The following MPHOSPH9 variants were observed in gnomAD, a reference collection of about 807,000 sequenced individuals.
MPHOSPH9 encodes M-phase phosphoprotein 9.
A neutral mutation model predicts 145.5 loss-of-function variants in MPHOSPH9; 88 were observed. The observed-to-expected ratio is 0.60, with a 90% CI of 0.51 to 0.72. The LOEUF is 0.72. MPHOSPH9 is among the 30% of genes least tolerant of loss of function. The pLI, the probability that MPHOSPH9 is intolerant of heterozygous loss-of-function variation, is 0.00. For synonymous variants in MPHOSPH9, 435 were observed against 486.2 expected, an observed-to-expected ratio of 0.89 and a Z score of 1.39; for missense variants, 1,238 against 1,386.6, an observed-to-expected ratio of 0.89 and a Z score of 1.70.
intron 8 of MPHOSPH9, among the ~76,000 whole-genome samples, chr12:123,203,798 C>T (rs777989005): frequency 6.6e-6 from 1 of 152,070 alleles, no homozygotes; most frequent in African/African-American, 2.4e-5. Context: ...ATCTTCCTGC[C>T]TCAACCTCCC....
chr12:123,180,649 G>C (rs897861846), intron 14 of MPHOSPH9, among the ~76,000 whole-genome samples: 2 of 152,188 alleles, frequency 1.3e-5, no homozygotes, highest in East Asian at 1.9e-4. Flanking sequence ...GACACAGGTG[G>C]ACCACTTGAG....
At chr12:123,198,502 T>C (rs1360935151) in intron 11 of MPHOSPH9, among the ~76,000 whole-genome samples, 168 bp from the exon 12 acceptor site, 1 of 152,064 alleles carries the variant, frequency 6.6e-6, no homozygotes, top group Non-Finnish European at 1.5e-5. Context: ...TCTAATAATA[T>C]AGTATGTAGA....
At chr12:123,243,461 C>T (rs919027405) in intron 1 of MPHOSPH9, among the ~76,000 whole-genome samples, 5 of 150,486 alleles carry the variant, frequency 3.3e-5, no homozygotes, top group African/African-American at 7.4e-5. Context: ...ACCCGGGAGG[C>T]GGAGCTTGCA....
chr12:123,221,432 A>T lies in MPHOSPH9; in HGVS notation c.812T>A (p.Phe271Tyr). 2 of 1,611,680 alleles carry T rather than the reference A, an allele frequency of 1.2e-6. No individual in the cohort carries two copies. Among genetic ancestry groups the T allele is most frequent in the South Asian group, 2.2e-5 (2 of 90,338 alleles). The change falls in exon 5 of 24, where the codon TTT (phenylalanine) becomes TAT (tyrosine). Residue 271 changes from phenylalanine (F) to tyrosine (Y), a missense_variant. Physicochemically the swap from Phe to Tyr is conservative, Grantham distance 22. Transcript: ENST00000606320. ...KEDVSISPGEFEHNFLGENKV... is the reference protein window; with the variant it reads ...KEDVSISPGEYEHNFLGENKV... Reference sequence around the variant, plus strand: ...ATTTTCACCAAGAAAATTATGTTCAAATTCACCAGGAGAAATGGATACATC... The same window carrying T: ...ATTTTCACCAAGAAAATTATGTTCATATTCACCAGGAGAAATGGATACATC...
Position 123,165,337 on chromosome 12 carries a change from C to T in MPHOSPH9, c.2732G>A (p.Trp911Ter), listed in dbSNP as rs2044271741. The change falls in exon 18 of 24, where the codon TGG becomes TAG. Residue 911 changes from tryptophan to a stop codon, truncating the protein, a stop_gained. Transcript: ENST00000606320. LOFTEE classifies it high-confidence loss of function. ...ELDEGKIFKN[W>*]GTQTEKEDTS... ...GTCCTCTTTCTCTGTCTGTGTCCCCCAATTTTTAAATATTTTTCCCTCATC... is the reference window on the plus strand; with the variant it reads ...GTCCTCTTTCTCTGTCTGTGTCCCCTAATTTTTAAATATTTTTCCCTCATC... 6.2e-7 allele frequency: 1 copy of T among 1,613,792 alleles called. No homozygotes were observed. Among genetic ancestry groups the T allele is most frequent in the Admixed American group, 1.7e-5 (1 of 59,978 alleles).
chr12:123,203,276 C>T lies in MPHOSPH9; in HGVS notation c.1294G>A (p.Ala432Thr). The T allele has an allele frequency of 6.2e-7, 1 of 1,613,804 alleles. No homozygotes were observed. Among genetic ancestry groups the T allele is most frequent in the Non-Finnish European group, 8.5e-7 (1 of 1,179,956 alleles). The change falls in exon 9 of 24, where the codon GCT becomes ACT. Residue 432 changes from alanine to threonine, a missense_variant. This residue lies in a region of MPHOSPH9 where 837 missense variants were observed against 897.5 expected (regional missense o/e 0.93). Transcript: ENST00000606320. ...TCTGGTGGATGATTTGGGTTGGAAG[C>T]AGAAGTGAGATTCCTCTCAGGTAAC... Reference protein sequence around the residue: ...KQLPERNLTSASNPNHPPEVL... With the variant: ...KQLPERNLTSTSNPNHPPEVL...
At chr12:123,241,226 A>C (rs1593275527) in intron 1 of MPHOSPH9, among the ~76,000 whole-genome samples, 1 of 151,288 alleles carries the variant, frequency 6.6e-6, no homozygotes, top group South Asian at 2.1e-4. Flanking sequence ...TCCCAGCTTC[A>C]TGGGCTCCTC....
intron 16 of MPHOSPH9, among the ~76,000 whole-genome samples, chr12:123,170,212 G>A (rs892262002): frequency 3.3e-5 from 5 of 151,156 alleles, no homozygotes; most frequent in Non-Finnish European, 7.4e-5. Context: ...GCTCGATGTC[G>A]GCTCACTGCA....
intron 7 of MPHOSPH9, among the ~76,000 whole-genome samples, chr12:123,211,681 T>TTTC: frequency 7.2e-6 from 1 of 138,274 alleles, no homozygotes; most frequent in Non-Finnish European, 1.5e-5. Context: ...AAATAGACAA[T>TTTC]TTCTTTTTTT....
Position 123,163,932 on chromosome 12 carries a change from T to C in MPHOSPH9, c.2908+18A>G. 1 of 1,613,856 alleles carries C rather than the reference T, an allele frequency of 6.2e-7. No homozygotes were observed. Among genetic ancestry groups the C allele is most frequent in the Non-Finnish European group, 8.5e-7 (1 of 1,179,838 alleles). On this transcript the variant is annotated intron_variant, in intron 19 of 23. Transcript: ENST00000606320. ...ATCACGCTTTTGAACCCAAGAGATG[T>C]ACACATCTAACTCTTACTTGGAGTA...
At chr12:123,223,943 T>TTTA (rs1565974486) in intron 3 of MPHOSPH9, among the ~76,000 whole-genome samples, 20 of 151,014 alleles carry the variant, frequency 1.3e-4, no homozygotes, top group Admixed American at 2.6e-4. Context: ...TTATTTATTT[T>TTTA]TTTTTTTGAG....
chr12:123,172,688 T>C (rs1213234951), intron 16 of MPHOSPH9, among the ~76,000 whole-genome samples: 1 of 152,084 alleles, frequency 6.6e-6, no homozygotes, highest in African/African-American at 2.4e-5. Context: ...CATGTAAGAA[T>C]GTAGAAACCA....
At chr12:123,237,170 A>G (rs964690100), upstream of MPHOSPH9, among the ~76,000 whole-genome samples, 10 of 151,922 alleles carry the variant, frequency 6.6e-5, no homozygotes, top group Non-Finnish European at 1.3e-4. Flanking sequence ...AAAAAAAATA[A>G]ACGGGGCCAG....
At chr12:123,189,870 A>G (rs2045600044) in intron 13 of MPHOSPH9, among the ~76,000 whole-genome samples, 1 of 151,556 alleles carries the variant, frequency 6.6e-6, no homozygotes. Context: ...CGGGAGGCGG[A>G]GCTTGCAGTG....
intron 2 of MPHOSPH9, among the ~76,000 whole-genome samples, chr12:123,229,821 ATTT>A (rs370919298): frequency 2.2e-5 from 3 of 135,788 alleles, no homozygotes; most frequent in African/African-American, 5.4e-5. Flanking sequence ...GTCCCCGAAC[ATTT>A]TTTTTTTTTT....
rs746947523 is a variant in MPHOSPH9 at position 123,221,898 on chromosome 12, G to A, written c.349-3C>T. ...TTTTTTATCTCCTCCTGTATATGCT[G>A]GAAATAAAAAGTTATAGATTTGGGT... On this transcript the variant is annotated splice_polypyrimidine_tract_variant and splice_region_variant and intron_variant, in intron 4 of 23. Transcript: ENST00000606320. 5 of 1,483,162 alleles carry A rather than the reference G, an allele frequency of 3.4e-6. No individual in the cohort carries two copies. The highest frequency in any genetic ancestry group is 1.4e-5 in the African/African-American group (1 of 70,608). 91.9% of individuals were successfully genotyped at this position (1,483,162 alleles called of 1,614,324 possible).
In MPHOSPH9 at chr12:123,223,939, A is replaced by T. The variant is rs537739516; in HGVS notation, c.259-812T>A. Among the ~76,000 whole-genome samples the T allele has an allele frequency of 1.4e-3, 217 of 149,676 alleles. 1 individual carries two copies. The highest frequency in any genetic ancestry group is 4.4e-3 in the African/African-American group (179 of 40,390). ...AGGATTAAGTTTTATTTATTTATTT[A>T]TTTTTTTTTTTGAGACGGAGTCTCT... On this transcript the variant is annotated intron_variant, in intron 3 of 23. Coordinates refer to ENST00000606320, the MANE Select transcript of MPHOSPH9 (RefSeq NM_022782.4).
chr12:123,197,595 C>G (rs2046020758), intron 12 of MPHOSPH9, among the ~76,000 whole-genome samples: 1 of 151,280 alleles, frequency 6.6e-6, no homozygotes. Context: ...CAGCCTGACC[C>G]CCATGGTGAA....
At chr12:123,204,422 C>G (rs907554005) in intron 8 of MPHOSPH9, among the ~76,000 whole-genome samples, 3 of 152,116 alleles carry the variant, frequency 2.0e-5, no homozygotes, top group Non-Finnish European at 4.4e-5. Flanking sequence ...AGTTCCTTAT[C>G]TATGTAGTTA....
Sources: allele counts gnomAD v4.1 joint callset (sites outside exome capture counted in the v4.1 genomes callset), GRCh38; gene constraint gnomAD v4.1.1; regional missense constraint gnomAD v4.1.1; transcripts MANE v1.5; gene names NCBI Gene and HGNC (gene_info 2026-07-23, HGNC 2026-07-21).